Variants in PKLR observed in about 807,000 individuals in gnomAD.
PKLR encodes pyruvate kinase PKLR.
In PKLR, 38 loss-of-function variants were observed where a neutral mutation model predicts 53.6. That is an observed-to-expected ratio of 0.71 (90% CI 0.55 to 0.93). The LOEUF is 0.93. Among genes scored for constraint, PKLR ranks in the 40% least tolerant of loss-of-function variants. PKLR has a pLI of 0.00. For synonymous variants in PKLR, 328 were observed against 316.2 expected, an observed-to-expected ratio of 1.04 and a Z score of -0.39; for missense variants, 702 against 787.3, an observed-to-expected ratio of 0.89 and a Z score of 1.30.
At chr1:155,305,582 G>C (rs915655936), upstream of PKLR, among the ~76,000 whole-genome samples, 1 of 152,186 alleles carries the variant, frequency 6.6e-6, no homozygotes, top group Admixed American at 6.5e-5. Flanking sequence ...GGGGATTCAG[G>C]CCTTGTGCTT....
At chr1:155,301,043 G>C (rs1194304847) in intron 1 of PKLR, 11 of 1,543,812 alleles carry the variant, frequency 7.1e-6, no homozygotes, top group Middle Eastern at 3.3e-4. Flanking sequence ...CTGTATGCCA[G>C]GGGCCAGAGT....
chr1:155,308,136 C>T, the PKLR span, among the ~76,000 whole-genome samples: 1 of 150,450 alleles, frequency 6.6e-6, no homozygotes, highest in Admixed American at 6.6e-5. Context: ...TCTCAGCTCA[C>T]TGCAACCTCT....
chr1:155,293,631 T>C lies in PKLR; in HGVS notation c.1117-41A>G. ...GATGTCAAAGTTGTAGGACTCACAC[T>C]GTGACTGGGGACCCTGCCCAAGCTA... On this transcript the variant is annotated intron_variant, in intron 7 of 10. Transcript: ENST00000342741. This position sits in a 1 kb window ranked among gnomAD's most constrained non-coding sequence, Gnocchi z 4.2. 1 of 1,608,952 alleles carries C rather than the reference T, an allele frequency of 6.2e-7. No homozygotes were observed. The highest frequency in any genetic ancestry group is 8.5e-7 in the Non-Finnish European group (1 of 1,175,724).
In PKLR at chr1:155,294,270, T is replaced by C. The variant is rs765903674; in HGVS notation, c.1081A>G (p.Asn361Asp). 2.5e-6 allele frequency: 4 copies of C among 1,614,012 alleles called. No individual in the cohort carries two copies. Among genetic ancestry groups the C allele is most frequent in the Non-Finnish European group, 8.5e-7 (1 of 1,180,034 alleles). The change falls in exon 7 of 11, where the codon AAC becomes GAC. Residue 361 changes from asparagine (N) to aspartate (D), a missense_variant. Around this residue, in one of 2 missense-constraint regions of PKLR, gnomAD observed 519 missense variants for 537.1 expected, o/e 0.97. Coordinates refer to ENST00000342741, the MANE Select transcript of PKLR (RefSeq NM_000298.6). ...CAGACAACAGGCTTGCCCGCCAAGT[T>C]GCAGCGCCCAATCATCATCTTCTGA... ...LAQKMMIGRCNLAGKPVVCAT... is the reference protein window; with the variant it reads ...LAQKMMIGRCDLAGKPVVCAT...
rs1012654082 is a variant in PKLR at position 155,299,139 on chromosome 1, C to CTCCT, written c.283+955_283+958dup. On this transcript the variant is annotated intron_variant, in intron 2 of 10. Transcript: ENST00000342741. ...CTTCCTTCCTTCCCTCCCTCCCTCC[C>CTCCT]TCCTTCCTTCCTTCCTTCTTTCTCT... Among the ~76,000 whole-genome samples the CTCCT allele has an allele frequency of 4.8e-5, 7 of 146,620 alleles. No individual in the cohort carries two copies. The South Asian group carries it at 6.5e-4, about 14-fold the overall frequency.
intron 1 of PKLR, 124 bp from the exon 2 acceptor site, chr1:155,300,404 T>C: frequency 1.3e-6 from 1 of 746,802 alleles, no homozygotes; most frequent in Non-Finnish European, 2.3e-6. Context: ...TATTATTTTA[T>C]TATGTCACAA....
the PKLR span, among the ~76,000 whole-genome samples, chr1:155,307,287 C>T: frequency 1.8e-3 from 271 of 152,312 alleles, 2 homozygotes; most frequent in East Asian, 0.031. Context: ...CTTATATACA[C>T]GGAATCATAC....
rs765280427 is a variant in PKLR at position 155,295,821 on chromosome 1, C to A, written c.284-65G>T. On this transcript the variant is annotated intron_variant, in intron 2 of 10. Coordinates refer to ENST00000342741, the MANE Select transcript of PKLR (RefSeq NM_000298.6). The surrounding 1 kb of genome is among the most constrained non-coding windows in gnomAD (Gnocchi z 4.3). The stretch of plus-strand genomic sequence containing the variant: ...AACATGAGAGGCAACCAAACCCAAC[C>A]CATTACCATTCTCAGAACGCCTCAC... The A allele has an allele frequency of 7.2e-7, 1 of 1,388,178 alleles. No homozygotes were observed. Among genetic ancestry groups the A allele is most frequent in the Non-Finnish European group, 1.0e-6 (1 of 975,570 alleles). 86.0% of individuals were successfully genotyped at this position (1,388,178 alleles called of 1,614,324 possible). A position where few individuals can be genotyped will look rare whatever the true frequency, so the allele number is the denominator to read the frequency against.
At chr1:155,297,901 CAA>C (rs2148212545) in intron 2 of PKLR, among the ~76,000 whole-genome samples, 1 of 152,290 alleles carries the variant, frequency 6.6e-6, no homozygotes, top group South Asian at 2.1e-4. Flanking sequence ...TCATCTCCTT[CAA>C]GTCTTCCCTT....
At chr1:155,304,434 CAAAAAAAA>C (rs61510118), upstream of PKLR, among the ~76,000 whole-genome samples, 1 of 62,222 alleles carries the variant, frequency 1.6e-5, no homozygotes, top group African/African-American at 6.6e-5. Context: ...AACTGCGTCT[CAAAAAAAA>C]AAAAAAAAAA....
Position 155,294,487 on chromosome 1 carries a change from C to A in PKLR, c.960G>T (p.Val320=). Residue 320 remains valine, a synonymous_variant, in exon 6 of 11, where the codon GTG becomes GTT. Coordinates refer to ENST00000342741, the MANE Select transcript of PKLR (RefSeq NM_000298.6). ...IISKIENHEG[V]KRFDEILEVS... is the part of the protein sequence containing the mutation. ...GAACAGAGCCCAAGCCTCACCTCTT[C>A]ACGCCTTCGTGGTTCTCAATTTTGC... The A allele has an allele frequency of 6.2e-7, 1 of 1,614,244 alleles. No homozygotes were observed. Among genetic ancestry groups the A allele is most frequent in the East Asian group, 2.2e-5 (1 of 44,888 alleles).
chr1:155,294,739 C>G lies in PKLR; in HGVS notation c.708G>C (p.Leu236=), dbSNP rs1002990388. Residue 236 remains leucine, a synonymous_variant, in exon 6 of 11, where the codon CTG becomes CTC. Coordinates refer to ENST00000342741, the MANE Select transcript of PKLR (RefSeq NM_000298.6). ...CGCCGCCGTTCTCCACTTGGGTCAC[C>G]AGTCCCTCTGGGCCTGCGGACATGG... ...LVVQKIGPEG[L]VTQVENGGVL... is the part of the protein sequence containing the mutation. 4 of 1,614,004 alleles carry G rather than the reference C, an allele frequency of 2.5e-6. No homozygotes were observed. The highest frequency in any genetic ancestry group is 2.2e-5 in the East Asian group (1 of 44,878).
Position 155,293,428 on chromosome 1 carries a change from G to A in PKLR, c.1269+10C>T. On this transcript the variant is annotated intron_variant, in intron 8 of 10. Transcript: ENST00000342741. The surrounding 1 kb of genome is among the most constrained non-coding windows in gnomAD (Gnocchi z 4.2). ...CCCTGGCCCATTTGCTTTTCATTCT[G>A]AGCTCCTACCGCATGCTGCATCTTC... 1 of 1,614,186 alleles carries A rather than the reference G, an allele frequency of 6.2e-7. No homozygotes were observed.
In PKLR at chr1:155,295,356, G is replaced by A. The variant is rs964930034; in HGVS notation, c.508-54C>T. 8 of 1,612,820 alleles carry A rather than the reference G, an allele frequency of 5.0e-6. No individual in the cohort carries two copies. Among genetic ancestry groups the A allele is most frequent in the East Asian group, 2.2e-5 (1 of 44,866 alleles). On this transcript the variant is annotated intron_variant, in intron 4 of 10. Transcript: ENST00000342741. The surrounding 1 kb of genome is among the most constrained non-coding windows in gnomAD (Gnocchi z 4.3). ...TTCTGAGCCCCGGAGTCCGGGACCC[G>A]CCCCTGCCCACGCCTGGGCCCAACC...
At chr1:155,300,326 TC>T (rs1647920916) in intron 1 of PKLR, 46 bp from the exon 2 acceptor site, 1 of 1,484,000 alleles carries the variant, frequency 6.7e-7, no homozygotes, top group Non-Finnish European at 9.2e-7. Flanking sequence ...CTGCCCTTCC[TC>T]CCCATGCCTT....
upstream of PKLR, among the ~76,000 whole-genome samples, chr1:155,301,991 T>C (rs993716446): frequency 6.6e-6 from 1 of 152,128 alleles, no homozygotes; most frequent in African/African-American, 2.4e-5. Context: ...GCTAAACTTA[T>C]AGACTCCTAC....
At chr1:155,296,254 A>C (rs1412381888) in intron 2 of PKLR, among the ~76,000 whole-genome samples, 2 of 152,122 alleles carry the variant, frequency 1.3e-5, no homozygotes, top group Non-Finnish European at 2.9e-5. Context: ...CCACTTGTGC[A>C]CTAGGTCTCC....
chr1:155,298,865 A>T (rs1271143879), intron 2 of PKLR, among the ~76,000 whole-genome samples: 1 of 149,850 alleles, frequency 6.7e-6, no homozygotes, highest in Admixed American at 6.6e-5. Context: ...CTGGTCTCGG[A>T]CCCCTGACCT....
intron 2 of PKLR, among the ~76,000 whole-genome samples, chr1:155,298,858 G>A (rs1325128362): frequency 6.6e-6 from 1 of 150,922 alleles, no homozygotes; most frequent in Admixed American, 6.6e-5. Flanking sequence ...AGCCAGGCTG[G>A]TCTCGGACCC....
Sources: gnomAD v4.1 joint callset for allele counts (sites outside exome capture counted in the v4.1 genomes callset) on GRCh38, gnomAD v4.1.1 for gene constraint, gnomAD v4.1.1 regional missense constraint, Gnocchi (gnomAD v3.1) non-coding constraint, MANE v1.5 for transcripts, NCBI Gene and HGNC (gene_info 2026-07-23, HGNC 2026-07-21) for gene names.